CAGE1: variants seen among roughly 807,000 people sequenced by gnomAD.
The protein encoded by CAGE1 is cancer antigen 1.
A neutral mutation model predicts 94.9 loss-of-function variants in CAGE1; 66 were observed. The ratio of observed to expected loss-of-function variants is 0.70; its 90% CI spans 0.57 to 0.85. CAGE1 has a LOEUF of 0.85. Among genes scored for constraint, CAGE1 ranks in the 40% least tolerant of loss-of-function variants. CAGE1 has a pLI of 0.00. For synonymous variants in CAGE1, 319 were observed against 321.0 expected (o/e 0.99, Z 0.07); for missense variants, 865 against 950.4 (o/e 0.91, Z 1.18).
chr6:7,329,083 C>A, intron 13 of CAGE1: 1 of 280,000 alleles, frequency 3.6e-6, no homozygotes, highest in Non-Finnish European at 6.6e-6. Context: ...AGGCACGCAC[C>A]ACAACATCTG....
chr6:7,335,957 A>T (rs1325432683), intron 11 of CAGE1, among the ~76,000 whole-genome samples: 2 of 148,650 alleles, frequency 1.3e-5, no homozygotes, highest in African/African-American at 5.2e-5. Flanking sequence ...AATTAATTTA[A>T]AAAAAATGTG....
intron 7 of CAGE1, among the ~76,000 whole-genome samples, chr6:7,366,601 C>A (rs768516059): frequency 5.3e-5 from 8 of 152,152 alleles, no homozygotes; most frequent in Non-Finnish European, 1.2e-4. Context: ...TAAGAAGCCT[C>A]GCTGGTAGAT....
At chr6:7,376,860 A>G (rs1046052162) in intron 4 of CAGE1, among the ~76,000 whole-genome samples, 2 of 152,170 alleles carry the variant, frequency 1.3e-5, no homozygotes, top group Admixed American at 6.5e-5. Context: ...GCTCAGCTCA[A>G]TGATCATTTC....
In CAGE1 at chr6:7,343,839, G is replaced by A. The variant is rs530121384; in HGVS notation, c.2370-9749C>T. On this transcript the variant is annotated intron_variant, in intron 11 of 13. Transcript: ENST00000502583. ...ACTGGAACATTTTTATAAGAGGATCGACCTCTCACCAGGATGATGTAATGA... is the reference window on the plus strand; with the variant it reads ...ACTGGAACATTTTTATAAGAGGATCAACCTCTCACCAGGATGATGTAATGA... Among the ~76,000 whole-genome samples the A allele has an allele frequency of 3.0e-4, 46 of 152,240 alleles. No individual in the cohort carries two copies. The South Asian group carries it at 8.1e-3, about 27-fold the overall frequency.
chr6:7,359,104 T>C (rs922931476), intron 9 of CAGE1, among the ~76,000 whole-genome samples: 1 of 152,284 alleles, frequency 6.6e-6, no homozygotes, highest in African/African-American at 2.4e-5. Context: ...TGGAGTGCAA[T>C]GGCACAATCT....
At chr6:7,345,548 T>C (rs952022320) in intron 11 of CAGE1, among the ~76,000 whole-genome samples, 1 of 152,172 alleles carries the variant, frequency 6.6e-6, no homozygotes, top group African/African-American at 2.4e-5. Context: ...TATCACCAAG[T>C]AGTTTTCTTT....
intron 11 of CAGE1, among the ~76,000 whole-genome samples, chr6:7,336,896 GTTAT>G (rs1000745202): frequency 2.0e-5 from 3 of 152,066 alleles, no homozygotes; most frequent in African/African-American, 7.2e-5. Flanking sequence ...TTTTTATTGG[GTTAT>G]TTGTTTTCTT....
At chr6:7,385,281 A>C (rs1375084533) in intron 3 of CAGE1, among the ~76,000 whole-genome samples, 1 of 150,798 alleles carries the variant, frequency 6.6e-6, no homozygotes. Flanking sequence ...CTGGGATTAC[A>C]GGCGTGAGCC....
At chr6:7,347,528 TG>T (rs1561853768) in intron 11 of CAGE1, 25 of 17,682 alleles carry the variant, frequency 1.4e-3, no homozygotes. Flanking sequence ...GGGGGGGCGG[TG>T]GGGGAACTTT....
chr6:7,387,287 C>T, intron 1 of CAGE1, 91 bp from the exon 2 acceptor site: 1 of 666,490 alleles, frequency 1.5e-6, no homozygotes, highest in Non-Finnish European at 2.5e-6. Context: ...AAGTTCACTG[C>T]CCTTATTTGA....
chr6:7,346,654 C>T (rs1429708688), intron 11 of CAGE1, among the ~76,000 whole-genome samples: 1 of 152,010 alleles, frequency 6.6e-6, no homozygotes, highest in Non-Finnish European at 1.5e-5. Context: ...AGAGACCAGC[C>T]TGGCCAACAC....
At chr6:7,358,846 G>A (rs1320686866) in intron 9 of CAGE1, among the ~76,000 whole-genome samples, 1 of 152,118 alleles carries the variant, frequency 6.6e-6, no homozygotes, top group East Asian at 1.9e-4. Context: ...AAAACTAGGA[G>A]TAGAATAATG....
In CAGE1 at chr6:7,329,947, A is replaced by G. The variant is rs80174868; in HGVS notation, c.2439-59T>C. On this transcript the variant is annotated intron_variant, in intron 12 of 13. Transcript: ENST00000502583. ...GAGGAAGGGGGGACTGAAATAGTGA[A>G]CATGGTGAGCAAGTTGCCATTATTT... 3.2e-3 allele frequency: 2,288 copies of G among 717,772 alleles called. 31 individuals carry two copies. The African/African-American group carries it at 0.034, about 11-fold the overall frequency. 44.5% of individuals were successfully genotyped at this position (717,772 alleles called of 1,614,324 possible).
intron 11 of CAGE1, among the ~76,000 whole-genome samples, chr6:7,345,806 TC>T (rs1462808112): frequency 6.6e-6 from 1 of 151,946 alleles, no homozygotes; most frequent in African/African-American, 2.4e-5. Context: ...GCCCCCATAG[TC>T]CCAGCTACTT....
Position 7,373,960 on chromosome 6 carries a change from G to T in CAGE1, c.859C>A (p.Pro287Thr), listed in dbSNP as rs1351697369. Residue 287 changes from proline (P) to threonine (T), a missense_variant, in exon 5 of 14, where the codon CCT becomes ACT. By Grantham distance (38) the Pro-to-Thr change is conservative. Coordinates refer to ENST00000502583, the MANE Select transcript of CAGE1 (RefSeq NM_001170692.2). ...SEACRENCEMPDWEQSAESLQ... is the reference protein window; with the variant it reads ...SEACRENCEMTDWEQSAESLQ... ...CTTTCAGCACTTTGCTCCCAGTCAG[G>T]CATCTCACAGTTCTCCCGACATGCT... The T allele has an allele frequency of 6.2e-7, 1 of 1,613,864 alleles. No individual in the cohort carries two copies. Among genetic ancestry groups the T allele is most frequent in the Non-Finnish European group, 8.5e-7 (1 of 1,179,896 alleles).
intron 11 of CAGE1, among the ~76,000 whole-genome samples, chr6:7,345,090 G>GT (rs1211050386): frequency 2.4e-4 from 37 of 151,792 alleles, no homozygotes; most frequent in African/African-American, 7.5e-4. Context: ...TCACCCTGCA[G>GT]TAAATCTTAA....
rs1040629873 is a variant in CAGE1 at position 7,326,800 on chromosome 6, T to G, written c.*58A>C. On this transcript the variant is annotated 3_prime_UTR_variant, in exon 14 of 14. Coordinates refer to ENST00000502583, the MANE Select transcript of CAGE1 (RefSeq NM_001170692.2). ...GGATTGATTTGGCTAGCATATGTAG[T>G]AATGACTCTTCCTGGAGTGGTTGAC... 3.4e-6 allele frequency: 4 copies of G among 1,189,812 alleles called. No homozygotes were observed. The Middle Eastern group carries it at 5.8e-4, about 174-fold the overall frequency. The allele number at this position is 1,189,812 out of a possible 1,614,324, so 73.7% of individuals were successfully genotyped here.
chr6:7,353,141 C>T (rs1427878595), intron 11 of CAGE1, among the ~76,000 whole-genome samples: 1 of 152,180 alleles, frequency 6.6e-6, no homozygotes, highest in Admixed American at 6.5e-5. Context: ...GCACTCTATA[C>T]ATCTGACAAA....
At chr6:7,353,080 G>A (rs1262172842) in intron 11 of CAGE1, among the ~76,000 whole-genome samples, 1 of 152,260 alleles carries the variant, frequency 6.6e-6, no homozygotes, top group East Asian at 1.9e-4. Flanking sequence ...CATGGCAAAA[G>A]GAATAGTCAG....
Sources: gnomAD v4.1 joint callset for allele counts (sites outside exome capture counted in the v4.1 genomes callset) on GRCh38, gnomAD v4.1.1 for gene constraint, MANE v1.5 for transcripts, NCBI Gene and HGNC (gene_info 2026-07-23, HGNC 2026-07-21) for gene names.